The following DMD variants were observed in gnomAD, a reference collection of about 807,000 sequenced individuals.
The protein encoded by DMD is dystrophin.
In DMD, 63 loss-of-function variants were observed where a neutral mutation model predicts 330.1. The observed-to-expected ratio is 0.19, with a 90% CI of 0.16 to 0.24. The LOEUF is 0.24. Ranked by LOEUF, DMD falls within the 10% of genes least tolerant of loss-of-function variation. The probability of loss-of-function intolerance (pLI) is 1.00; values close to 1 mark genes in which losing one functional copy is unlikely to be tolerated. For missense variants in DMD, 3,344 were observed against 2,684.1 expected (o/e 1.25, Z -5.43); for synonymous variants, 1,223 against 959.8 (o/e 1.27, Z -5.07).
intron 2 of DMD, among the ~76,000 whole-genome samples, chrX:32,868,884 T>C (rs1603451036): frequency 1.8e-5 from 2 of 112,002 alleles, no homozygotes; most frequent in Middle Eastern, 9.4e-3. Context: ...GCAAACCCCC[T>C]CGACCAAGGG....
chrX:32,729,995 G>C (rs2067361837), intron 7 of DMD, among the ~76,000 whole-genome samples: 1 of 111,648 alleles, frequency 9.0e-6, no homozygotes, highest in Non-Finnish European at 1.9e-5. Flanking sequence ...AGTTAGTCAT[G>C]TTTTTGGCTT....
chrX:32,927,830 C>T (rs17341121), intron 2 of DMD, among the ~76,000 whole-genome samples: 32,773 of 109,455 alleles, frequency 0.3, 3,876 homozygotes, highest in East Asian at 0.61. Context: ...GGTGCACACA[C>T]GGATTATTTG....
intron 30 of DMD, among the ~76,000 whole-genome samples, chrX:32,408,739 A>G (rs1046452369): frequency 6.2e-5 from 7 of 112,004 alleles, no homozygotes; most frequent in Non-Finnish European, 9.4e-5. Flanking sequence ...AAAAGAAATT[A>G]TAGTGCACTA....
At chrX:32,158,122 C>T (rs192207750) in intron 44 of DMD, among the ~76,000 whole-genome samples, 1 of 111,459 alleles carries the variant, frequency 9.0e-6, no homozygotes, top group Non-Finnish European at 1.9e-5. Flanking sequence ...AGCTGTTTGA[C>T]CTTGTACAAG....
At chrX:32,725,729 T>C (rs1245907649) in intron 7 of DMD, among the ~76,000 whole-genome samples, 1 of 110,660 alleles carries the variant, frequency 9.0e-6, no homozygotes, top group East Asian at 2.8e-4. Context: ...GGTTGGTTAA[T>C]GGGTACAAAA....
At chrX:31,935,782 A>C (rs7064418) in intron 45 of DMD, among the ~76,000 whole-genome samples, 2 of 109,385 alleles carry the variant, frequency 1.8e-5, no homozygotes, top group Admixed American at 9.8e-5. Context: ...AAAACCCCAA[A>C]CCCCCCAAAC....
intron 1 of DMD, among the ~76,000 whole-genome samples, chrX:33,115,005 C>T (rs2095370542): frequency 8.9e-6 from 1 of 112,226 alleles, no homozygotes; most frequent in Admixed American, 9.5e-5. Flanking sequence ...ATCAACATCT[C>T]ATTTAAATAT....
At chrX:32,136,253 T>C (rs1275983401) in intron 44 of DMD, among the ~76,000 whole-genome samples, 2 of 112,637 alleles carry the variant, frequency 1.8e-5, no homozygotes, top group African/African-American at 3.2e-5. Context: ...TCAGGTTTGA[T>C]CCATTGACAT....
intron 44 of DMD, among the ~76,000 whole-genome samples, chrX:32,098,703 C>A (rs991261871): frequency 2.7e-5 from 3 of 111,976 alleles, no homozygotes; most frequent in African/African-American, 9.7e-5. Flanking sequence ...CATACCCATA[C>A]TTTACCTTCT....
chrX:31,995,617 A>C (rs1338186402), intron 44 of DMD, among the ~76,000 whole-genome samples: 2 of 111,634 alleles, frequency 1.8e-5, no homozygotes, highest in Non-Finnish European at 3.8e-5. Context: ...GGGAATAAGC[A>C]AGGGAGAAAT....
chrX:32,299,724 T>A (rs946614552), intron 42 of DMD, among the ~76,000 whole-genome samples: 21 of 110,928 alleles, frequency 1.9e-4, no homozygotes, highest in African/African-American at 6.6e-4. Flanking sequence ...TGAGTATGGG[T>A]ATAATAATAC....
intron 7 of DMD, among the ~76,000 whole-genome samples, chrX:32,805,581 G>C (rs1203371140): frequency 1.8e-5 from 2 of 111,220 alleles, no homozygotes; most frequent in Admixed American, 9.6e-5. Flanking sequence ...AGGAAATACA[G>C]AGAACATCCA....
At chrX:32,861,167 G>C (rs989563624) in intron 2 of DMD, among the ~76,000 whole-genome samples, 2 of 111,875 alleles carry the variant, frequency 1.8e-5, no homozygotes, top group African/African-American at 6.5e-5. Context: ...AAAGATTTAA[G>C]TGAACTTAGT....
intron 45 of DMD, among the ~76,000 whole-genome samples, chrX:31,967,092 A>G (rs1010581325): frequency 9.1e-5 from 10 of 110,327 alleles, no homozygotes; most frequent in Non-Finnish European, 1.7e-4. Flanking sequence ...TAAGCACATC[A>G]GTTATCTAAA....
rs3083093 is a variant in DMD, at chrX:32,948,113, G to GACACACACACAC, written c.93+72014_93+72025dup. ...CTCAAAATTGACAGTGAGAGAAACA[G>GACACACACACAC]ACACACACACACACACACACACACA... On this transcript the variant is annotated intron_variant, in intron 2 of 78. Coordinates refer to ENST00000357033, the MANE Select transcript of DMD (RefSeq NM_004006.3). Among the ~76,000 whole-genome samples the GACACACACACAC allele has an allele frequency of 2.0e-3, 195 of 95,977 alleles. 4 individuals are homozygous for GACACACACACAC. The East Asian group carries it at 0.054, about 27-fold the overall frequency. The allele number at this position is 95,977 out of a possible 115,157, so 83.3% of individuals were successfully genotyped here. A position where few individuals can be genotyped will look rare whatever the true frequency, so the allele number is the denominator to read the frequency against.
At chrX:32,992,919 A>AAG (rs1189129616) in intron 2 of DMD, among the ~76,000 whole-genome samples, 6 of 109,798 alleles carry the variant, frequency 5.5e-5, no homozygotes, top group African/African-American at 2.0e-4. Context: ...AAAAAAAAAA[A>AAG]AAAAAAAACT....
chrX:32,858,215 A>G (rs941401108), intron 2 of DMD, among the ~76,000 whole-genome samples: 5 of 112,589 alleles, frequency 4.4e-5, no homozygotes, highest in African/African-American at 1.6e-4. Context: ...GGCAGTATAA[A>G]TTACACAGTG....
intron 41 of DMD, among the ~76,000 whole-genome samples, chrX:32,316,498 C>T (rs921597772): frequency 9.0e-6 from 1 of 110,986 alleles, no homozygotes; most frequent in Non-Finnish European, 1.9e-5. Context: ...TATCTTGATA[C>T]GTAGTGTCCA....
intron 48 of DMD, among the ~76,000 whole-genome samples, chrX:31,840,204 A>G (rs1355666378): frequency 9.0e-6 from 1 of 111,598 alleles, no homozygotes; most frequent in Non-Finnish European, 1.9e-5. Flanking sequence ...TGAACACCAA[A>G]CTACTTATAT....
Sources: gnomAD v4.1 joint callset for allele counts (sites outside exome capture counted in the v4.1 genomes callset) on GRCh38, gnomAD v4.1.1 for gene constraint, MANE v1.5 for transcripts, NCBI Gene and HGNC (gene_info 2026-07-23, HGNC 2026-07-21) for gene names.